The following MDH1B variants were observed in gnomAD, a reference collection of about 807,000 sequenced individuals.
MDH1B encodes malate dehydrogenase 1B.
A neutral mutation model predicts 61.4 loss-of-function variants in MDH1B; 60 were observed. That is an observed-to-expected ratio of 0.98 (90% CI 0.79 to 1.21). The LOEUF (loss-of-function observed/expected upper bound fraction) is 1.21. Among genes scored for constraint, MDH1B ranks in the 50% most tolerant of loss-of-function variants. The probability of loss-of-function intolerance (pLI) is 0.00; values close to 1 mark genes in which losing one functional copy is unlikely to be tolerated. For synonymous variants in MDH1B, 236 were observed against 218.7 expected (o/e 1.08, Z -0.70); for missense variants, 587 against 632.1 (o/e 0.93, Z 0.76).
At chr2:206,756,427 A>G (rs763763300) in intron 4 of MDH1B, among the ~76,000 whole-genome samples, 35 of 152,096 alleles carry the variant, frequency 2.3e-4, no homozygotes, top group Non-Finnish European at 4.4e-4. Context: ...GCAGAGAAAG[A>G]AAGAGAGAGA....
At chr2:206,756,684 T>C (rs1403086025) in intron 4 of MDH1B, 3 of 544,656 alleles carry the variant, frequency 5.5e-6, no homozygotes, top group African/African-American at 3.8e-5. Context: ...TGTTTGTGTC[T>C]ATAAAACATA....
At chr2:206,761,474 A>T (rs1209623708) in intron 1 of MDH1B, among the ~76,000 whole-genome samples, 1 of 152,086 alleles carries the variant, frequency 6.6e-6, no homozygotes, top group African/African-American at 2.4e-5. Context: ...GATAACTTCT[A>T]TTTTCCGGCT....
At chr2:206,762,516 C>A (rs1022160531) in intron 1 of MDH1B, among the ~76,000 whole-genome samples, 1 of 152,172 alleles carries the variant, frequency 6.6e-6, no homozygotes, top group Non-Finnish European at 1.5e-5. Context: ...GTATCTGTTT[C>A]TAATAGTCCC....
chr2:206,754,115 A>G (rs1027508476), intron 5 of MDH1B, among the ~76,000 whole-genome samples: 3 of 152,218 alleles, frequency 2.0e-5, no homozygotes, highest in Non-Finnish European at 4.4e-5. Flanking sequence ...ACCGGAAATT[A>G]TTATTTACAG....
intron 1 of MDH1B, among the ~76,000 whole-genome samples, chr2:206,763,741 C>T (rs1689245279): frequency 1.3e-5 from 2 of 152,174 alleles, no homozygotes; most frequent in Non-Finnish European, 2.9e-5. Context: ...TCAATTGTCA[C>T]CAAACTAGTT....
At chr2:206,764,796 G>C (rs980588105) in intron 1 of MDH1B, among the ~76,000 whole-genome samples, 4 of 152,120 alleles carry the variant, frequency 2.6e-5, no homozygotes, top group Non-Finnish European at 4.4e-5. Context: ...CACATATCCA[G>C]ATCTTCTGTT....
chr2:206,740,166 A>T (rs547565675), intron 10 of MDH1B, among the ~76,000 whole-genome samples: 2 of 152,322 alleles, frequency 1.3e-5, no homozygotes, highest in East Asian at 3.9e-4. Flanking sequence ...TACGGACACC[A>T]TTCCTCTGTG....
intron 10 of MDH1B, among the ~76,000 whole-genome samples, chr2:206,740,853 A>T (rs1186090652): frequency 6.6e-6 from 1 of 152,194 alleles, no homozygotes; most frequent in African/African-American, 2.4e-5. Context: ...GGTGAATATG[A>T]CAAGGAAGCA....
At chr2:206,746,823 GA>G (rs1398283168) in intron 7 of MDH1B, among the ~76,000 whole-genome samples, 1 of 152,114 alleles carries the variant, frequency 6.6e-6, no homozygotes, top group Admixed American at 6.6e-5. Flanking sequence ...AGAGTATGAA[GA>G]ATTGGGAAGG....
intron 9 of MDH1B, among the ~76,000 whole-genome samples, chr2:206,744,822 G>A (rs1688004551): frequency 6.6e-6 from 1 of 152,064 alleles, no homozygotes. Context: ...CTAATCAGGA[G>A]GCTGAGACAG....
At chr2:206,763,100 T>G (rs1482620822) in intron 1 of MDH1B, among the ~76,000 whole-genome samples, 2 of 152,100 alleles carry the variant, frequency 1.3e-5, no homozygotes, top group Non-Finnish European at 2.9e-5. Flanking sequence ...TCAAAATGTC[T>G]CATAGACACT....
chr2:206,757,770 C>T (rs1172953653), intron 2 of MDH1B, among the ~76,000 whole-genome samples: 2 of 152,112 alleles, frequency 1.3e-5, no homozygotes, highest in Non-Finnish European at 2.9e-5. Flanking sequence ...AAACTTGATA[C>T]TTTTTTTAAA....
At chr2:206,758,092 T>C (rs1688866762) in intron 2 of MDH1B, among the ~76,000 whole-genome samples, 2 of 152,178 alleles carry the variant, frequency 1.3e-5, no homozygotes, top group Admixed American at 1.3e-4. Flanking sequence ...AAGCAAACAA[T>C]GCTGCTATGA....
At chr2:206,738,819 T>G (rs1687641716) in intron 11 of MDH1B, among the ~76,000 whole-genome samples, 1 of 152,194 alleles carries the variant, frequency 6.6e-6, no homozygotes, top group Non-Finnish European at 1.5e-5. Context: ...TGCTCGACTT[T>G]GCTGCTCCTC....
rs1260521451 is a variant in MDH1B at position 206,750,926 on chromosome 2, T to C, written c.1052+8A>G. 4 of 1,599,428 alleles carry C rather than the reference T, an allele frequency of 2.5e-6. No individual in the cohort carries two copies. Among genetic ancestry groups the C allele is most frequent in the South Asian group, 1.1e-5 (1 of 87,544 alleles). On this transcript the variant is annotated splice_region_variant and intron_variant, in intron 6 of 11. Transcript: ENST00000374412. The stretch of plus-strand genomic sequence containing the variant: ...TGTCAGTATGCTTCACTTCAAAATA[T>C]ACTGTACCTGTCAAAAATCAAGTTT...
chr2:206,764,297 C>CAAAA (rs111631549), intron 1 of MDH1B, among the ~76,000 whole-genome samples: 1 of 132,904 alleles, frequency 7.5e-6, no homozygotes. Flanking sequence ...GAGCCTGTCT[C>CAAAA]AAAAAAAAAA....
intron 1 of MDH1B, among the ~76,000 whole-genome samples, chr2:206,763,488 C>A (rs187737173): frequency 6.6e-6 from 1 of 152,232 alleles, no homozygotes; most frequent in East Asian, 1.9e-4. Context: ...TAACTGGTTT[C>A]TTGGTATCCA....
chr2:206,749,701 T>C (rs1241872389), intron 6 of MDH1B, among the ~76,000 whole-genome samples: 2 of 152,352 alleles, frequency 1.3e-5, no homozygotes, highest in African/African-American at 2.4e-5. Flanking sequence ...ATACACCTTA[T>C]ACACATAGCC....
intron 6 of MDH1B, among the ~76,000 whole-genome samples, chr2:206,750,224 C>T (rs942335551): frequency 6.6e-6 from 1 of 151,772 alleles, no homozygotes. Flanking sequence ...TCTCCTCTGC[C>T]TCATCATAAT....
Sources: gnomAD v4.1 joint callset for allele counts (sites outside exome capture counted in the v4.1 genomes callset) on GRCh38, gnomAD v4.1.1 for gene constraint, MANE v1.5 for transcripts, NCBI Gene and HGNC (gene_info 2026-07-23, HGNC 2026-07-21) for gene names.